SLFN12L: variants seen among roughly 807,000 people sequenced by gnomAD.
The protein encoded by SLFN12L is schlafen family member 12 like.
Under a neutral mutation model 34.8 loss-of-function variants are expected in SLFN12L, and 34 were observed. The ratio of observed to expected loss-of-function variants is 0.98; its 90% CI spans 0.74 to 1.30. SLFN12L has a LOEUF of 1.30. Among genes scored for constraint, SLFN12L ranks in the 50% most tolerant of loss-of-function variants. The pLI is 0.00. For missense variants in SLFN12L, 703 were observed against 696.2 expected, an observed-to-expected ratio of 1.01 and a Z score of -0.11; for synonymous variants, 259 against 247.5, an observed-to-expected ratio of 1.05 and a Z score of -0.44.
intron 2 of SLFN12L, among the ~76,000 whole-genome samples, chr17:35,511,198 A>G (rs190589793): frequency 3.9e-5 from 6 of 152,318 alleles, no homozygotes; most frequent in Non-Finnish European, 7.3e-5. Flanking sequence ...ATAGTCACTT[A>G]AACAATTAAG....
intron 2 of SLFN12L, among the ~76,000 whole-genome samples, chr17:35,488,012 T>C (rs1914671591): frequency 6.6e-6 from 1 of 151,974 alleles, no homozygotes; most frequent in South Asian, 2.1e-4. Context: ...ATAGAGACCA[T>C]CCTGGCTAAC....
At chr17:35,489,912 G>A (rs1015788252) in intron 2 of SLFN12L, 1 of 1,001,458 alleles carries the variant, frequency 1.0e-6, no homozygotes. Context: ...ATACAGCACA[G>A]CATCTTATGC....
intron 1 of SLFN12L, among the ~76,000 whole-genome samples, chr17:35,524,054 A>C (rs1011297530): frequency 2.0e-5 from 3 of 152,200 alleles, no homozygotes; most frequent in African/African-American, 4.8e-5. Flanking sequence ...GGTAATTTGA[A>C]ATTGAAATTA....
intron 1 of SLFN12L, among the ~76,000 whole-genome samples, chr17:35,530,429 GGGAAGGGAAGGGAAGAAA>G (rs1219327875): frequency 0.01 from 90 of 8,800 alleles, 7 homozygotes; most frequent in South Asian, 0.026. Context: ...AAGGAAGGAA[GGGAAGGGAAGGGAAGAAA>G]GAAAGAAAGA....
Position 35,522,877 on chromosome 17 carries a change from T to C in SLFN12L, c.-513A>G, listed in dbSNP as rs1916040790. 3.5e-6 allele frequency: 3 copies of C among 864,464 alleles called. No homozygotes were observed. The highest frequency in any genetic ancestry group is 4.6e-5 in the Admixed American group (2 of 43,422). 53.5% of individuals were successfully genotyped at this position (864,464 alleles called of 1,614,324 possible). A position where few individuals can be genotyped will look rare whatever the true frequency, so the allele number is the denominator to read the frequency against. On this transcript the variant is annotated 5_prime_UTR_variant, in exon 2 of 5. Coordinates refer to ENST00000628453, the MANE Select transcript of SLFN12L (RefSeq NM_001363830.2). Reference sequence around the variant, plus strand: ...ACAATTCCCCAGGAGAAAGGTTGGGTTTGCTTATTTATTAACTCCTCTAAT... The same window carrying C: ...ACAATTCCCCAGGAGAAAGGTTGGGCTTGCTTATTTATTAACTCCTCTAAT...
chr17:35,499,804 CT>C, intron 2 of SLFN12L: 1 of 205,394 alleles, frequency 4.9e-6, no homozygotes, highest in African/African-American at 2.4e-5. Flanking sequence ...AGTGTTCAAC[CT>C]TTTTTGGTTT....
intron 1 of SLFN12L, among the ~76,000 whole-genome samples, chr17:35,530,427 AAGGG>A (rs2072387569): frequency 5.9e-5 from 1 of 17,066 alleles, no homozygotes; most frequent in African/African-American, 1.7e-4. Context: ...GGAAGGAAGG[AAGGG>A]AAGGGAAGGG....
chr17:35,478,239 G>A, intron 3 of SLFN12L, 54 bp from the exon 4 acceptor site: 1 of 1,189,696 alleles, frequency 8.4e-7, no homozygotes, highest in Non-Finnish European at 1.2e-6. Context: ...GCATGGGAGA[G>A]ACTCAAGCTA....
At chr17:35,535,535 G>A (rs2072452100) in intron 1 of SLFN12L, among the ~76,000 whole-genome samples, 2 of 150,608 alleles carry the variant, frequency 1.3e-5, no homozygotes, top group Admixed American at 1.3e-4. Context: ...CATCCAGGCT[G>A]GAGTGCAGTG....
intron 2 of SLFN12L, chr17:35,487,683 T>TCTAAGGCGAAAAAAACC: frequency 1.3e-6 from 2 of 1,527,084 alleles, no homozygotes; most frequent in Non-Finnish European, 1.8e-6. Flanking sequence ...ATTTGTATTT[T>TCTAAGGCGAAAAAAACC]CTAAGGCGAA....
chr17:35,484,078 C>G (rs549973561), intron 2 of SLFN12L, among the ~76,000 whole-genome samples: 1 of 152,270 alleles, frequency 6.6e-6, no homozygotes, highest in Non-Finnish European at 1.5e-5. Flanking sequence ...AATGACACAA[C>G]TCCTTGTGCA....
Position 35,479,051 on chromosome 17 carries a change from G to A in SLFN12L, c.1165+66C>T, listed in dbSNP as rs912802444. On this transcript the variant is annotated intron_variant, in intron 3 of 4. Coordinates refer to ENST00000628453, the MANE Select transcript of SLFN12L (RefSeq NM_001363830.2). ...TTTTAATCTTGTCCCTAATCCCAAA[G>A]ATACAATAAAACCTTCCTGCCACCC... is the stretch of plus-strand genomic sequence containing the variant. 19 of 1,216,984 alleles carry A rather than the reference G, an allele frequency of 1.6e-5. No individual in the cohort carries two copies. In the Admixed American group the frequency reaches 5.0e-4, roughly 32 times the overall value. The allele number at this position is 1,216,984 out of a possible 1,614,324, so 75.4% of individuals were successfully genotyped here.
intron 2 of SLFN12L, among the ~76,000 whole-genome samples, chr17:35,510,695 A>C (rs1470638237): frequency 6.6e-6 from 1 of 152,140 alleles, no homozygotes; most frequent in Non-Finnish European, 1.5e-5. Flanking sequence ...AAATTATTGA[A>C]TTGTACACTT....
At chr17:35,498,945 G>A (rs932071246) in intron 2 of SLFN12L, 1 of 722,012 alleles carries the variant, frequency 1.4e-6, no homozygotes, top group Admixed American at 1.8e-5. Context: ...GGTCTTACAG[G>A]AGCGCATTAA....
At chr17:35,479,008 A>T in intron 3 of SLFN12L, 109 bp downstream of exon 3, 1 of 766,570 alleles carries the variant, frequency 1.3e-6, no homozygotes, top group Non-Finnish European at 2.1e-6. Flanking sequence ...TCCACCAGAG[A>T]TGTTGAAATT....
intron 2 of SLFN12L, among the ~76,000 whole-genome samples, chr17:35,481,154 C>A (rs1403194898): frequency 6.6e-6 from 1 of 152,228 alleles, no homozygotes; most frequent in Non-Finnish European, 1.5e-5. Flanking sequence ...AACACCAGCG[C>A]CAGGGAAGGC....
intron 2 of SLFN12L, among the ~76,000 whole-genome samples, chr17:35,495,321 G>A (rs1223939471): frequency 2.0e-5 from 3 of 152,142 alleles, no homozygotes; most frequent in Non-Finnish European, 2.9e-5. Flanking sequence ...CCTCCCCATA[G>A]GTTCATTGTC....
At chr17:35,500,728 CA>C (rs35924671) in intron 2 of SLFN12L, among the ~76,000 whole-genome samples, 45,912 of 132,450 alleles carry the variant, frequency 0.35, 7,237 homozygotes, top group South Asian at 0.51. Flanking sequence ...GACTCTGTCT[CA>C]AAAAAAAAAA....
At chr17:35,490,004 G>A (rs1459351667) in intron 2 of SLFN12L, 8 of 1,579,332 alleles carry the variant, frequency 5.1e-6, no homozygotes, top group Non-Finnish European at 6.1e-6. Flanking sequence ...AGAAATATCC[G>A]ACATCCAGAT....
Sources: gnomAD v4.1 joint callset for allele counts (sites outside exome capture counted in the v4.1 genomes callset) on GRCh38, gnomAD v4.1.1 for gene constraint, MANE v1.5 for transcripts, NCBI Gene and HGNC (gene_info 2026-07-23, HGNC 2026-07-21) for gene names.